Variants in CFAP44 observed in about 807,000 individuals in gnomAD.
The protein encoded by CFAP44 is cilia- and flagella-associated protein 44.
In CFAP44, 134 loss-of-function variants were observed where a neutral mutation model predicts 216.2. That is an observed-to-expected ratio of 0.62 (90% confidence interval 0.54 to 0.72). The LOEUF is 0.72. Among genes scored for constraint, CFAP44 ranks in the 30% least tolerant of loss-of-function variants. The probability of loss-of-function intolerance (pLI) is 0.00; values close to 1 mark genes in which losing one functional copy is unlikely to be tolerated. For missense variants in CFAP44, 2,035 were observed against 2,182.1 expected (o/e 0.93, Z 1.34); for synonymous variants, 700 against 727.6 (o/e 0.96, Z 0.61).
chr3:113,410,193 A>C (rs1355635180), intron 6 of CFAP44, among the ~76,000 whole-genome samples: 1 of 151,992 alleles, frequency 6.6e-6, no homozygotes, highest in Non-Finnish European at 1.5e-5. Flanking sequence ...GTACATGTGC[A>C]CAACGTGCAG....
At chr3:113,326,324 G>T in intron 28 of CFAP44, 121 bp downstream of exon 28, 1 of 857,908 alleles carries the variant, frequency 1.2e-6, no homozygotes, top group Non-Finnish European at 1.6e-6. Context: ...AGCCCCCACA[G>T]TGTCTCTACA....
intron 21 of CFAP44, among the ~76,000 whole-genome samples, chr3:113,359,168 T>G (rs1002781366): frequency 2.6e-5 from 4 of 152,208 alleles, no homozygotes; most frequent in African/African-American, 9.6e-5. Context: ...AAAGACGCTA[T>G]CTCAAAGAAA....
intron 18 of CFAP44, among the ~76,000 whole-genome samples, chr3:113,368,411 C>T (rs113708497): frequency 9.3e-4 from 142 of 152,248 alleles, no homozygotes; most frequent in African/African-American, 3.4e-3. Context: ...ACCCTACAAG[C>T]CAGAAGAGAG....
intron 28 of CFAP44, among the ~76,000 whole-genome samples, chr3:113,323,594 A>AT (rs1234001834): frequency 6.6e-5 from 10 of 151,646 alleles, no homozygotes; most frequent in East Asian, 1.9e-4. Flanking sequence ...TAAAAGCTGA[A>AT]TTTTTTTTTA....
chr3:113,291,859 G>T, intron 34 of CFAP44, 111 bp from the exon 35 acceptor site: 1 of 1,182,482 alleles, frequency 8.5e-7, no homozygotes, highest in Non-Finnish European at 1.1e-6. Flanking sequence ...ACCCTAAACA[G>T]CCACTGTTCC....
chr3:113,406,014 G>C (rs1436282952), intron 8 of CFAP44, among the ~76,000 whole-genome samples: 1 of 152,154 alleles, frequency 6.6e-6, no homozygotes, highest in Non-Finnish European at 1.5e-5. Flanking sequence ...ACTTACAACT[G>C]AGATTATCAC....
At position 113,400,567 on chromosome 3, in the gene CFAP44, G is replaced by A; in HGVS notation, c.1452C>T (p.Leu484=). The change falls in exon 12 of 35, where the codon CTC becomes CTT. Residue 484 remains leucine, a synonymous_variant. Transcript: ENST00000393845. ...EAVAVSPLTY[L]MATTALDCSV... Reference sequence around the variant, plus strand: ...TACAGTCCAAGGCAGTTGTGGCCATGAGATAAGTGAGAGGAGAAACAGCCA... The same window carrying A: ...TACAGTCCAAGGCAGTTGTGGCCATAAGATAAGTGAGAGGAGAAACAGCCA... 8.7e-6 allele frequency: 14 copies of A among 1,607,970 alleles called. No individual in the cohort carries two copies. The highest frequency in any genetic ancestry group is 1.2e-5 in the Non-Finnish European group (14 of 1,177,156).
At chr3:113,409,062 C>T (rs754678751) in intron 7 of CFAP44, 44 bp downstream of exon 7, 10 of 717,112 alleles carry the variant, frequency 1.4e-5, no homozygotes, top group Non-Finnish European at 2.0e-5. Context: ...TAGAAAAATA[C>T]TCCTGTGATA....
At chr3:113,315,326 G>C (rs1463832111) in intron 28 of CFAP44, among the ~76,000 whole-genome samples, 1 of 151,958 alleles carries the variant, frequency 6.6e-6, no homozygotes, top group Non-Finnish European at 1.5e-5. Context: ...AAAATTACCA[G>C]AAACAGAAAG....
chr3:113,373,656 G>T, intron 17 of CFAP44, 100 bp from the exon 18 acceptor site: 6 of 1,064,654 alleles, frequency 5.6e-6, no homozygotes, highest in Non-Finnish European at 7.5e-6. Flanking sequence ...ACATAAAATA[G>T]ATGTTTTCAA....
chr3:113,382,227 A>C (rs1421715148), intron 15 of CFAP44, among the ~76,000 whole-genome samples: 1 of 152,222 alleles, frequency 6.6e-6, no homozygotes, highest in Non-Finnish European at 1.5e-5. Context: ...AAGATGTGGG[A>C]GAGGGAACCA....
intron 33 of CFAP44, among the ~76,000 whole-genome samples, chr3:113,296,273 T>C (rs1443364588): frequency 6.6e-6 from 1 of 152,244 alleles, no homozygotes; most frequent in Non-Finnish European, 1.5e-5. Flanking sequence ...TATATACATA[T>C]ATATACATAC....
intron 21 of CFAP44, among the ~76,000 whole-genome samples, chr3:113,362,060 T>C (rs1950546536): frequency 6.6e-6 from 1 of 151,718 alleles, no homozygotes; most frequent in South Asian, 2.1e-4. Context: ...TGTTTTTCAC[T>C]AGGCATAGCT....
At chr3:113,388,108 G>A (rs748586583) in intron 15 of CFAP44, among the ~76,000 whole-genome samples, 42 of 152,068 alleles carry the variant, frequency 2.8e-4, no homozygotes, top group Non-Finnish European at 4.1e-4. Flanking sequence ...CCTGCCTGAC[G>A]ATCTCACCAC....
chr3:113,378,607 A>G (rs1933417156), intron 17 of CFAP44, among the ~76,000 whole-genome samples: 1 of 152,142 alleles, frequency 6.6e-6, no homozygotes, highest in African/African-American at 2.4e-5. Flanking sequence ...TGGTGGAGGG[A>G]ACTGAAAATT....
intron 22 of CFAP44, among the ~76,000 whole-genome samples, chr3:113,350,582 G>A (rs1950434400): frequency 6.6e-6 from 1 of 152,200 alleles, no homozygotes; most frequent in South Asian, 2.1e-4. Flanking sequence ...ATACCACCTT[G>A]TTGTCAGTGT....
At chr3:113,377,579 C>T (rs1426673285) in intron 17 of CFAP44, among the ~76,000 whole-genome samples, 1 of 152,018 alleles carries the variant, frequency 6.6e-6, no homozygotes, top group Non-Finnish European at 1.5e-5. Context: ...ATACCTGATA[C>T]AGAATAAGTA....
intron 11 of CFAP44, 133 bp from the exon 12 acceptor site, chr3:113,400,777 A>G: frequency 1.2e-6 from 1 of 813,136 alleles, no homozygotes; most frequent in Non-Finnish European, 1.9e-6. Context: ...AAAAGCCTAA[A>G]AAGTTAGAAA....
At chr3:113,375,089 G>C (rs780767994) in intron 17 of CFAP44, among the ~76,000 whole-genome samples, 2 of 152,176 alleles carry the variant, frequency 1.3e-5, no homozygotes, top group Non-Finnish European at 2.9e-5. Context: ...GTCATAAAGA[G>C]ACAGATACTA....
Sources: gnomAD v4.1 joint callset for allele counts (sites outside exome capture counted in the v4.1 genomes callset) on GRCh38, gnomAD v4.1.1 for gene constraint, MANE v1.5 for transcripts, NCBI Gene and HGNC (gene_info 2026-07-23, HGNC 2026-07-21) for gene names.